Variants in CAST observed in about 807,000 individuals in gnomAD.
The protein encoded by CAST is MIR583 host.
A neutral mutation model predicts 119.6 loss-of-function variants in CAST; 76 were observed. The observed-to-expected ratio is 0.64, with a 90% CI of 0.53 to 0.77. CAST has a LOEUF of 0.77. CAST is among the 30% of genes least tolerant of loss of function. The pLI, the probability that CAST is intolerant of heterozygous loss-of-function variation, is 0.00. For missense variants in CAST, 953 were observed against 946.5 expected, an observed-to-expected ratio of 1.01 and a Z score of -0.09; for synonymous variants, 319 against 331.6, an observed-to-expected ratio of 0.96 and a Z score of 0.41.
At chr5:96,377,144 C>G in the CAST span, among the ~76,000 whole-genome samples, 1 of 151,806 alleles carries the variant, frequency 6.6e-6, no homozygotes, top group Non-Finnish European at 1.5e-5. Flanking sequence ...ATAAAACAGT[C>G]AAACTTTCAT....
chr5:96,117,916 C>G, the CAST span, among the ~76,000 whole-genome samples: 3 of 152,176 alleles, frequency 2.0e-5, no homozygotes, highest in African/African-American at 7.2e-5. Context: ...TCCCCTGTTT[C>G]TAAGATAGTC....
At chr5:96,072,683 T>C in the CAST span, among the ~76,000 whole-genome samples, 1 of 152,212 alleles carries the variant, frequency 6.6e-6, no homozygotes, top group Non-Finnish European at 1.5e-5. Flanking sequence ...ACTTTTGTTG[T>C]GGGTGTTAAG....
At chr5:96,343,108 T>C in the CAST span, among the ~76,000 whole-genome samples, 3 of 152,296 alleles carry the variant, frequency 2.0e-5, no homozygotes, top group East Asian at 5.8e-4. Flanking sequence ...AATAGCAACA[T>C]GTACAATGCA....
chr5:96,213,153 T>C, the CAST span, among the ~76,000 whole-genome samples: 1 of 152,030 alleles, frequency 6.6e-6, no homozygotes, highest in African/African-American at 2.4e-5. Flanking sequence ...TAAAAAATAT[T>C]GTGTAATGTC....
At chr5:96,561,179 A>G (rs1035947917) in intron 1 of CAST, among the ~76,000 whole-genome samples, 2 of 135,750 alleles carry the variant, frequency 1.5e-5, no homozygotes, top group African/African-American at 5.4e-5. Context: ...AGGAAGGGGA[A>G]CATCACACAC....
At chr5:96,252,918 G>A in the CAST span, among the ~76,000 whole-genome samples, 1 of 152,050 alleles carries the variant, frequency 6.6e-6, no homozygotes, top group Non-Finnish European at 1.5e-5. Context: ...GACAGTTAAG[G>A]TTTAATTCCT....
At chr5:96,588,810 G>C (rs1339881845) in intron 1 of CAST, among the ~76,000 whole-genome samples, 2 of 152,170 alleles carry the variant, frequency 1.3e-5, no homozygotes, top group African/African-American at 4.8e-5. Flanking sequence ...AATCTTCAAA[G>C]AAAGGATTCA....
the CAST span, among the ~76,000 whole-genome samples, chr5:96,103,770 C>A: frequency 6.6e-6 from 1 of 151,982 alleles, no homozygotes; most frequent in Non-Finnish European, 1.5e-5. Flanking sequence ...CCTGAGGAAT[C>A]ACCACACTGA....
chr5:96,193,723 A>G, the CAST span, among the ~76,000 whole-genome samples: 1 of 152,220 alleles, frequency 6.6e-6, no homozygotes, highest in African/African-American at 2.4e-5. Context: ...GTTGGAATTC[A>G]GGTGAAGCTA....
the CAST span, among the ~76,000 whole-genome samples, chr5:96,021,574 T>A: frequency 3.9e-5 from 6 of 152,124 alleles, no homozygotes; most frequent in African/African-American, 1.4e-4. Context: ...GCCTCCCAAG[T>A]AGCTGGGACT....
At chr5:96,770,318 A>G in intron 29 of CAST, 1 of 521,492 alleles carries the variant, frequency 1.9e-6, no homozygotes. Context: ...TGTCACCCAC[A>G]TTTCCCTCCT....
chr5:96,433,299 A>G, the CAST span: 2 of 518,368 alleles, frequency 3.9e-6, no homozygotes, highest in South Asian at 4.1e-5. Flanking sequence ...TACACGTCAA[A>G]TCGACGAAAG....
chr5:96,132,705 C>A, the CAST span, among the ~76,000 whole-genome samples: 4 of 152,064 alleles, frequency 2.6e-5, no homozygotes, highest in Non-Finnish European at 5.9e-5. Context: ...GAAAGGCAGA[C>A]CTTCTTGAGT....
chr5:96,743,547 C>G, intron 16 of CAST: 2 of 1,545,158 alleles, frequency 1.3e-6, no homozygotes, highest in Non-Finnish European at 1.7e-6. Flanking sequence ...GCTGTCACTT[C>G]CTGTTCTGAG....
intron 1 of CAST, among the ~76,000 whole-genome samples, chr5:96,569,649 C>T (rs1746538139): frequency 6.6e-6 from 1 of 152,130 alleles, no homozygotes; most frequent in African/African-American, 2.4e-5. Flanking sequence ...TTACTGCTAA[C>T]CTAGAAATAC....
the CAST span, among the ~76,000 whole-genome samples, chr5:96,449,533 C>T: frequency 1.4e-3 from 217 of 152,202 alleles, no homozygotes; most frequent in Non-Finnish European, 1.7e-3. Flanking sequence ...TATTGGGAAC[C>T]GCTGGTTTAC....
the CAST span, among the ~76,000 whole-genome samples, chr5:96,107,620 T>A: frequency 3.9e-5 from 6 of 152,312 alleles, no homozygotes; most frequent in South Asian, 4.2e-4. Context: ...CTTCCCTTTG[T>A]GGGTAACCTG....
chr5:96,298,931 TA>T, the CAST span, among the ~76,000 whole-genome samples: 20 of 151,844 alleles, frequency 1.3e-4, no homozygotes, highest in African/African-American at 4.6e-4. Context: ...TCTCTATTTC[TA>T]AAAAGGCCTA....
At chr5:96,283,975 G>A in the CAST span, among the ~76,000 whole-genome samples, 2 of 152,124 alleles carry the variant, frequency 1.3e-5, no homozygotes, top group Non-Finnish European at 2.9e-5. Flanking sequence ...GAGTCTCAAT[G>A]CTCTTACCAT....
Sources: gnomAD v4.1 joint callset for allele counts (sites outside exome capture counted in the v4.1 genomes callset) on GRCh38, gnomAD v4.1.1 for gene constraint, MANE v1.5 for transcripts, NCBI Gene and HGNC (gene_info 2026-07-23, HGNC 2026-07-21) for gene names.